TFEC: variants seen among roughly 807,000 people sequenced by gnomAD.
TFEC encodes the protein class E basic helix-loop-helix protein 34.
TFEC carries 31 observed loss-of-function variants against 41.6 expected under a neutral mutation model. That is an observed-to-expected ratio of 0.74 (90% confidence interval 0.56 to 1.01). The LOEUF (loss-of-function observed/expected upper bound fraction) is 1.01, where lower values mean the gene tolerates loss of function less well. TFEC is among the 50% of genes least tolerant of loss of function. The pLI is 0.00. For missense variants in TFEC, 402 were observed against 404.1 expected, an observed-to-expected ratio of 0.99 and a Z score of 0.04; for synonymous variants, 143 against 140.6, an observed-to-expected ratio of 1.02 and a Z score of -0.12.
At chr7:115,979,729 T>C (rs1285720782) in intron 2 of TFEC, among the ~76,000 whole-genome samples, 2 of 152,184 alleles carry the variant, frequency 1.3e-5, no homozygotes, top group South Asian at 2.1e-4. Context: ...CCTTCATCTA[T>C]GTATGTTATT....
intron 6 of TFEC, among the ~76,000 whole-genome samples, chr7:115,944,556 C>A (rs1793691285): frequency 6.6e-6 from 1 of 151,644 alleles, no homozygotes; most frequent in South Asian, 2.2e-4. Context: ...TATTTTGATA[C>A]ATAGAAATAA....
chr7:116,072,310 T>C (rs1796849037), intron 3 of TFEC, among the ~76,000 whole-genome samples: 1 of 151,640 alleles, frequency 6.6e-6, no homozygotes, highest in Non-Finnish European at 1.5e-5. Context: ...AGTAGAATAG[T>C]AAATACATTC....
intron 3 of TFEC, among the ~76,000 whole-genome samples, chr7:116,085,296 A>C (rs946042612): frequency 6.6e-6 from 1 of 151,932 alleles, no homozygotes; most frequent in Non-Finnish European, 1.5e-5. Context: ...GGAACAATGC[A>C]TCTGATGTGA....
chr7:116,074,088 T>G (rs916743765), intron 3 of TFEC, among the ~76,000 whole-genome samples: 2 of 151,790 alleles, frequency 1.3e-5, no homozygotes, highest in Non-Finnish European at 2.9e-5. Flanking sequence ...TCAGACCTAA[T>G]CATAAGATCT....
intron 3 of TFEC, among the ~76,000 whole-genome samples, chr7:116,037,613 A>G (rs1795940876): frequency 6.6e-6 from 1 of 152,016 alleles, no homozygotes; most frequent in South Asian, 2.1e-4. Context: ...ATGCAATAAT[A>G]CCAGATTTTG....
At chr7:116,124,103 C>T (rs966441775) in intron 1 of TFEC, among the ~76,000 whole-genome samples, 1 of 151,956 alleles carries the variant, frequency 6.6e-6, no homozygotes, top group Non-Finnish European at 1.5e-5. Context: ...TTTTATCCAC[C>T]TTTATTATGT....
chr7:115,984,213 T>C (rs759401727), intron 2 of TFEC, 49 bp downstream of exon 2: 2 of 1,585,332 alleles, frequency 1.3e-6, no homozygotes, highest in Admixed American at 3.5e-5. Context: ...TTAATAGAGG[T>C]TTTTTCAAAA....
At chr7:115,994,848 T>C (rs1205881814) in intron 1 of TFEC, among the ~76,000 whole-genome samples, 2 of 152,154 alleles carry the variant, frequency 1.3e-5, no homozygotes, top group African/African-American at 2.4e-5. Context: ...CATTGCTGGG[T>C]ATATACCCAA....
intron 1 of TFEC, among the ~76,000 whole-genome samples, chr7:116,141,670 A>C (rs780299593): frequency 6.6e-6 from 1 of 152,212 alleles, no homozygotes; most frequent in Non-Finnish European, 1.5e-5. Context: ...AGCAGGGGCC[A>C]CCATATCCCA....
Position 116,026,455 on chromosome 7 carries a change from T to C in TFEC, c.-73+4178A>G, listed in dbSNP as rs549541240. ...GGCAGGTAGCATACCTTATCCATCT[T>C]AGCATCCTCAGAACCTAGTACCGCA... is the stretch of plus-strand genomic sequence containing the variant. On this transcript the variant is annotated intron_variant, in intron 1 of 7. Transcript: ENST00000265440. Among the ~76,000 whole-genome samples the C allele has an allele frequency of 8.5e-5, 13 of 152,334 alleles. 2 individuals carry two copies. The South Asian group carries it at 2.7e-3, about 32-fold the overall frequency.
chr7:116,146,221 G>A (rs1400603690), intron 1 of TFEC, among the ~76,000 whole-genome samples: 1 of 152,178 alleles, frequency 6.6e-6, no homozygotes, highest in African/African-American at 2.4e-5. Flanking sequence ...GTAGGAATTT[G>A]CCCGGTACTG....
chr7:116,007,144 C>A (rs1562929457), intron 1 of TFEC, among the ~76,000 whole-genome samples: 1 of 151,886 alleles, frequency 6.6e-6, no homozygotes, highest in East Asian at 1.9e-4. Context: ...GTTTTTCTAT[C>A]TTTTTTTTAG....
intron 3 of TFEC, among the ~76,000 whole-genome samples, chr7:116,106,653 T>C (rs1228255333): frequency 6.6e-6 from 1 of 152,164 alleles, no homozygotes; most frequent in African/African-American, 2.4e-5. Context: ...CCCAAAGTTC[T>C]GGGATTACAG....
intron 3 of TFEC, among the ~76,000 whole-genome samples, chr7:116,080,148 T>A (rs1797054569): frequency 6.6e-6 from 1 of 152,032 alleles, no homozygotes; most frequent in Non-Finnish European, 1.5e-5. Context: ...TGAAACTAGA[T>A]CCTCATCTCT....
At chr7:116,136,707 G>T (rs1015721342) in intron 1 of TFEC, among the ~76,000 whole-genome samples, 1 of 151,700 alleles carries the variant, frequency 6.6e-6, no homozygotes, top group African/African-American at 2.4e-5. Flanking sequence ...AAATAAAAAT[G>T]CAAGTCATAT....
intron 1 of TFEC, among the ~76,000 whole-genome samples, chr7:115,986,873 C>T (rs576195113): frequency 5.9e-5 from 9 of 151,618 alleles, no homozygotes; most frequent in African/African-American, 1.2e-4. Flanking sequence ...CAAACCTGCA[C>T]GTTGTGCACA....
At chr7:115,944,160 T>A (rs1366478255) in intron 6 of TFEC, among the ~76,000 whole-genome samples, 1 of 150,454 alleles carries the variant, frequency 6.6e-6, no homozygotes, top group Non-Finnish European at 1.5e-5. Context: ...AAAGATTAAG[T>A]AAAAAAACTT....
intron 3 of TFEC, among the ~76,000 whole-genome samples, chr7:116,074,185 T>TTA (rs1796898814): frequency 9.6e-6 from 1 of 104,028 alleles, no homozygotes; most frequent in African/African-American, 4.9e-5. Context: ...ATATTATACA[T>TTA]TATATATTTT....
At chr7:115,951,848 A>G (rs1791959994) in intron 5 of TFEC, among the ~76,000 whole-genome samples, 1 of 152,006 alleles carries the variant, frequency 6.6e-6, no homozygotes, top group South Asian at 2.1e-4. Flanking sequence ...CATACAATAT[A>G]TATCTGTCAA....
Sources: allele counts gnomAD v4.1 joint callset (sites outside exome capture counted in the v4.1 genomes callset), GRCh38; gene constraint gnomAD v4.1.1; transcripts MANE v1.5; gene names NCBI Gene and HGNC (gene_info 2026-07-23, HGNC 2026-07-21).